Variants in EZH1 observed in about 807,000 individuals in gnomAD.
The protein encoded by EZH1 is enhancer of zeste 1 polycomb repressive complex 2 subunit.
In EZH1, 33 loss-of-function variants were observed where a neutral mutation model predicts 100.5. The observed-to-expected ratio is 0.33, with a 90% CI of 0.25 to 0.44. The LOEUF (loss-of-function observed/expected upper bound fraction) is 0.44, where lower values mean the gene tolerates loss of function less well. Among genes scored for constraint, EZH1 ranks in the 20% least tolerant of loss-of-function variants. The pLI, the probability that EZH1 is intolerant of heterozygous loss-of-function variation, is 1.00. For missense variants in EZH1, 475 were observed against 928.4 expected (o/e 0.51, Z 6.35); for synonymous variants, 272 against 313.8 (o/e 0.87, Z 1.41).
chr17:42,713,496 C>T (rs1451962969), intron 10 of EZH1, 107 bp from the exon 11 acceptor site: 1 of 1,059,656 alleles, frequency 9.4e-7, no homozygotes, highest in South Asian at 2.4e-5. Context: ...ATAATAGTGT[C>T]TTTTCTTTTT....
chr17:42,709,157 G>A (rs2053423147), intron 13 of EZH1: 1 of 564,820 alleles, frequency 1.8e-6, no homozygotes, highest in Non-Finnish European at 3.2e-6. Flanking sequence ...TAACATAAAA[G>A]AACACAACAC....
chr17:42,701,881 C>G lies in EZH1; in HGVS notation c.*651G>C, dbSNP rs1230303474. 1.3e-5 allele frequency: 2 copies of G among 152,430 alleles called. No homozygotes were observed. The highest frequency in any genetic ancestry group is 4.8e-5 in the African/African-American group (2 of 41,452). The allele number at this position is 152,430 out of a possible 1,614,324, so 9.4% of individuals were successfully genotyped here. On this transcript the variant is annotated 3_prime_UTR_variant, in exon 21 of 21. Transcript: ENST00000428826. ...CTATCATCTGGCTGGTTCTCCCTCT[C>G]TGGCTAAGGAAGGATGGCGTAGCTT...
At position 42,709,936 on chromosome 17, in the gene EZH1, A is replaced by T. The variant is rs751756992; in HGVS notation, c.1403T>A (p.Val468Asp). ...RLLGTKTCKQ[V>D]FQFAVKESLI... is the part of the protein sequence containing the mutation. ...TGATTCTTTGACTGCAAACTGAAAG[A>T]CCTGGAAGAGAAATCCAACGGGCCT... The change falls in exon 13 of 21, where the codon GTC (valine) becomes GAC (aspartate). Residue 468 changes from valine to aspartate, a missense_variant and splice_region_variant. Val to Asp is a radical substitution (Grantham distance 152). Coordinates refer to ENST00000428826, the MANE Select transcript of EZH1 (RefSeq NM_001991.5). The T allele has an allele frequency of 6.2e-7, 1 of 1,614,090 alleles. No individual in the cohort carries two copies. The highest frequency in any genetic ancestry group is 8.5e-7 in the Non-Finnish European group (1 of 1,179,960).
intron 12 of EZH1, 101 bp downstream of exon 12, chr17:42,712,188 C>T: frequency 7.7e-7 from 1 of 1,294,220 alleles, no homozygotes; most frequent in Non-Finnish European, 1.1e-6. Flanking sequence ...AAGACAACTT[C>T]TCTCCAGACC....
At chr17:42,729,987 G>A (rs111350817) in intron 2 of EZH1, among the ~76,000 whole-genome samples, 1,583 of 151,992 alleles carry the variant, frequency 0.01, 38 homozygotes, top group African/African-American at 0.036. Context: ...GCAGTGAACC[G>A]AGATCACATC....
intron 1 of EZH1, among the ~76,000 whole-genome samples, chr17:42,739,950 AT>A (rs1288782917): frequency 2.0e-5 from 3 of 151,388 alleles, no homozygotes; most frequent in African/African-American, 7.3e-5. Context: ...TGCCCAGCTA[AT>A]TTTTTGTGTT....
chr17:42,738,755 ATTT>A (rs763333138), intron 1 of EZH1, among the ~76,000 whole-genome samples: 1 of 91,208 alleles, frequency 1.1e-5, no homozygotes. Context: ...CCTGGCCTAG[ATTT>A]TTTTTTTTTT....
intron 1 of EZH1, among the ~76,000 whole-genome samples, chr17:42,737,016 C>T (rs867851439): frequency 2.0e-5 from 3 of 149,702 alleles, no homozygotes; most frequent in South Asian, 2.1e-4. Context: ...GACAGAGTCT[C>T]GCTCTGTCGC....
At chr17:42,729,144 C>T (rs11868496) in intron 2 of EZH1, 192 bp from the exon 3 acceptor site, 254,693 of 508,388 alleles carry the variant, frequency 0.5, 64,854 homozygotes, top group Non-Finnish European at 0.53. Flanking sequence ...CAGGGGCTCA[C>T]ACCTGTAAAA....
intron 1 of EZH1, among the ~76,000 whole-genome samples, chr17:42,742,726 CAT>C (rs1031052208): frequency 2.0e-5 from 3 of 152,182 alleles, no homozygotes; most frequent in African/African-American, 7.2e-5. Flanking sequence ...ATGAATAAAA[CAT>C]ATATCCCTGC....
chr17:42,733,939 CAAAAAAA>C (rs71157668), intron 1 of EZH1, among the ~76,000 whole-genome samples: 2 of 50,086 alleles, frequency 4.0e-5, no homozygotes, highest in African/African-American at 5.8e-5. Context: ...GACTCCATCT[CAAAAAAA>C]AAAAAAAAAA....
chr17:42,708,447 G>A (rs1482114554), intron 14 of EZH1, among the ~76,000 whole-genome samples: 2 of 152,176 alleles, frequency 1.3e-5, no homozygotes, highest in Admixed American at 6.5e-5. Context: ...TTGAGGTCAG[G>A]AGTTCGAGAC....
At chr17:42,717,897 C>CAGAGTG (rs776391050) in intron 10 of EZH1, 79 bp downstream of exon 10, 200 of 1,276,956 alleles carry the variant, frequency 1.6e-4, no homozygotes, top group Non-Finnish European at 2.2e-4. Context: ...TATATGACCC[C>CAGAGTG]CAGAGTGCTG....
At chr17:42,739,074 A>G (rs1045793038) in intron 1 of EZH1, among the ~76,000 whole-genome samples, 1 of 152,146 alleles carries the variant, frequency 6.6e-6, no homozygotes. Context: ...ATATTTTTAA[A>G]TATTTCATCC....
intron 1 of EZH1, among the ~76,000 whole-genome samples, chr17:42,733,417 G>A (rs1056678802): frequency 4.0e-5 from 6 of 150,814 alleles, no homozygotes; most frequent in Admixed American, 1.3e-4. Flanking sequence ...CGAGGTGGGC[G>A]GATCACGAGG....
intron 1 of EZH1, among the ~76,000 whole-genome samples, chr17:42,736,988 A>AT (rs1178668278): frequency 0.015 from 2,207 of 144,022 alleles, 11 homozygotes; most frequent in Non-Finnish European, 0.019. Flanking sequence ...TAGCTTTACA[A>AT]TTTTTTTTTT....
chr17:42,708,058 G>C lies in EZH1; in HGVS notation c.1560C>G (p.Asn520Lys). 6.2e-7 allele frequency: 1 copy of C among 1,609,002 alleles called. No individual in the cohort carries two copies. The highest frequency in any genetic ancestry group is 8.5e-7 in the Non-Finnish European group (1 of 1,178,180). The change falls in exon 15 of 21, where the codon AAC becomes AAG. Residue 520 changes from asparagine (N) to lysine (K), a missense_variant. Coordinates refer to ENST00000428826, the MANE Select transcript of EZH1 (RefSeq NM_001991.5). ...KKDNSSTQVY[N>K]YQPCDHPDRP... ...GGTCTGGGTGGTCGCAGGGTTGGTAGTTGTACACTTGTGTGGAAGAGTTAT... is the reference window on the plus strand; with the variant it reads ...GGTCTGGGTGGTCGCAGGGTTGGTACTTGTACACTTGTGTGGAAGAGTTAT...
chr17:42,708,560 C>A (rs2053408852), intron 14 of EZH1, among the ~76,000 whole-genome samples: 1 of 152,308 alleles, frequency 6.6e-6, no homozygotes, highest in East Asian at 1.9e-4. Context: ...GAAGCTGAGG[C>A]AGGAGAATTG....
chr17:42,707,896 AGCCTAGG>A lies in EZH1; in HGVS notation c.1660+55_1660+61del, dbSNP rs966001755. ...CAGTAAAGGGCACAGGAATGGGGCA[AGCCTAGG>A]GCACACTGGAGCCAACTGTTTTGGT... On this transcript the variant is annotated intron_variant, in intron 15 of 20. Coordinates refer to ENST00000428826, the MANE Select transcript of EZH1 (RefSeq NM_001991.5). 25 of 1,607,892 alleles carry A rather than the reference AGCCTAGG, an allele frequency of 1.6e-5. No individual in the cohort carries two copies. The African/African-American group carries it at 2.9e-4, about 19-fold the overall frequency.
Sources: allele counts gnomAD v4.1 joint callset (sites outside exome capture counted in the v4.1 genomes callset), GRCh38; gene constraint gnomAD v4.1.1; transcripts MANE v1.5; gene names NCBI Gene and HGNC (gene_info 2026-07-23, HGNC 2026-07-21).